HELLS: variants seen among roughly 807,000 people sequenced by gnomAD.
HELLS encodes helicase, lymphoid specific, also known as lymphoid-specific helicase.
In HELLS, 32 loss-of-function variants were observed where a neutral mutation model predicts 120.0. The observed-to-expected ratio is 0.27, with a 90% confidence interval of 0.20 to 0.36. The LOEUF (loss-of-function observed/expected upper bound fraction) is 0.36, where lower values mean the gene tolerates loss of function less well. HELLS is among the 10% of genes least tolerant of loss of function. The pLI is 1.00. For missense variants in HELLS, 650 were observed against 993.4 expected, an observed-to-expected ratio of 0.65 and a Z score of 4.65; for synonymous variants, 341 against 323.4, an observed-to-expected ratio of 1.05 and a Z score of -0.58.
In HELLS at chr10:94,590,568, TG is replaced by T. The variant is rs1451004117; in HGVS notation, c.1628+17del. The T allele has an allele frequency of 3.1e-6, 5 of 1,610,692 alleles. No homozygotes were observed. The African/African-American group carries it at 6.7e-5, about 22-fold the overall frequency. ...ACCGAGAAAGGTTTGAATTCAAAAG[TG>T]AATTTAAGTATTCTTTAAACTGTGA... is the stretch of plus-strand genomic sequence containing the variant. On this transcript the variant is annotated intron_variant, in intron 14 of 21. Transcript: ENST00000348459.
chr10:94,596,114 C>T (rs555009896), intron 19 of HELLS, among the ~76,000 whole-genome samples: 2 of 152,102 alleles, frequency 1.3e-5, no homozygotes, highest in Non-Finnish European at 2.9e-5. Context: ...AGCCACTGTG[C>T]TCAGCCCTAT....
At chr10:94,605,074 C>CG (rs1256432916), downstream of HELLS, among the ~76,000 whole-genome samples, 1 of 30,446 alleles carries the variant, frequency 3.3e-5, no homozygotes, top group Non-Finnish European at 8.2e-5. Flanking sequence ...CTTGTGTCTC[C>CG]CCCCCCCCCC....
intron 11 of HELLS, among the ~76,000 whole-genome samples, chr10:94,581,957 C>G (rs1435061097): frequency 6.6e-6 from 1 of 152,094 alleles, no homozygotes; most frequent in African/African-American, 2.4e-5. Flanking sequence ...ACCAAGGTCT[C>G]CCAATGTAAA....
At chr10:94,546,036 G>C in intron 1 of HELLS, 84 bp downstream of exon 1, 3 of 1,468,732 alleles carry the variant, frequency 2.0e-6, no homozygotes, top group Admixed American at 2.0e-5. Flanking sequence ...GGAGTTTCGG[G>C]GAGGGAGCCG....
chr10:94,586,222 G>C lies in HELLS; in HGVS notation c.1327-2007G>C, dbSNP rs1260918044. 3.9e-5 allele frequency among the ~76,000 whole-genome samples: 6 copies of C among 152,056 alleles called. 1 individual carries two copies. The South Asian group carries it at 1.2e-3, about 32-fold the overall frequency. On this transcript the variant is annotated intron_variant, in intron 12 of 21. Coordinates refer to ENST00000348459, the MANE Select transcript of HELLS (RefSeq NM_018063.5). Reference sequence around the variant, plus strand: ...TGCAAGCTGCACCTCCCGGGTTCACGCTATTCTCCTGCCTCAGCCTCCCGA... The same window carrying C: ...TGCAAGCTGCACCTCCCGGGTTCACCCTATTCTCCTGCCTCAGCCTCCCGA...
At chr10:94,588,193 A>T in intron 12 of HELLS, 36 bp from the exon 13 acceptor site, 1 of 1,294,530 alleles carries the variant, frequency 7.7e-7, no homozygotes, top group Non-Finnish European at 1.1e-6. Flanking sequence ...AAGAATGTTT[A>T]ATACTCATAT....
At position 94,545,803 on chromosome 10, in the gene HELLS, T is replaced by C. The variant is rs927931792; in HGVS notation, c.-119T>C. 2 of 1,209,040 alleles carry C rather than the reference T, an allele frequency of 1.7e-6. No homozygotes were observed. Among genetic ancestry groups the C allele is most frequent in the Non-Finnish European group, 2.4e-6 (2 of 834,588 alleles). 74.9% of individuals were successfully genotyped at this position (1,209,040 alleles called of 1,614,324 possible). A position where few individuals can be genotyped will look rare whatever the true frequency, so the allele number is the denominator to read the frequency against. On this transcript the variant is annotated 5_prime_UTR_variant, in exon 1 of 22. Transcript: ENST00000348459. ...ATTTTCCCGCGAAGGAGAAGCGCGC[T>C]TTTTTCCCTGGCGGGGGATTTGGCT...
rs1041580881 is a variant in HELLS at position 94,576,671 on chromosome 10, A to G, written c.898A>G (p.Met300Val). Residue 300 changes from methionine to valine, a missense_variant, in exon 10 of 22, where the codon ATG becomes GTG. Met to Val is a conservative substitution (Grantham distance 21). Around this residue, in one of 9 missense-constraint regions of HELLS, gnomAD observed 61 missense variants for 86.5 expected, o/e 0.71. Coordinates refer to ENST00000348459, the MANE Select transcript of HELLS (RefSeq NM_018063.5). Reference protein sequence around the residue: ...FKRFTPDIPTMLYHGTQEERQ... With the variant: ...FKRFTPDIPTVLYHGTQEERQ... ...ATATAAAATTTTTCAGATCCCTACAATGTTATATCATGGAACCCAGGAGGA... is the reference window on the plus strand; with the variant it reads ...ATATAAAATTTTTCAGATCCCTACAGTGTTATATCATGGAACCCAGGAGGA... The G allele has an allele frequency of 1.3e-6, 2 of 1,595,582 alleles. No homozygotes were observed. The highest frequency in any genetic ancestry group is 1.1e-5 in the South Asian group (1 of 89,632).
rs960501899 is a variant in HELLS, at chr10:94,594,592, T to C, written c.2089-103T>C. 3.7e-6 allele frequency: 3 copies of C among 800,970 alleles called. No homozygotes were observed. In the Admixed American group the frequency reaches 8.6e-5, roughly 23 times the overall value. 49.6% of individuals were successfully genotyped at this position (800,970 alleles called of 1,614,324 possible). On this transcript the variant is annotated intron_variant, in intron 18 of 21. Coordinates refer to ENST00000348459, the MANE Select transcript of HELLS (RefSeq NM_018063.5). Reference sequence around the variant, plus strand: ...GAAGTTTAAATTAAGACACCACTATTTAAAAGTTCCTGGCTAGATCATTCA... The same window carrying C: ...GAAGTTTAAATTAAGACACCACTATCTAAAAGTTCCTGGCTAGATCATTCA...
intron 10 of HELLS, chr10:94,577,303 A>T (rs1271431335): frequency 3.6e-6 from 1 of 276,744 alleles, no homozygotes; most frequent in Admixed American, 5.2e-5. Context: ...TTCTGTTTTC[A>T]TTTATTGGTG....
At position 94,585,371 on chromosome 10, in the gene HELLS, T is replaced by G. The variant is rs187209784; in HGVS notation, c.1326+2312T>G. Among the ~76,000 whole-genome samples, 500 of 129,654 alleles carry G rather than the reference T, an allele frequency of 3.9e-3. 4 individuals carry two copies. The highest frequency in any genetic ancestry group is 0.028 in the Middle Eastern group (7 of 250). 85.1% of individuals were successfully genotyped at this position (129,654 alleles called of 152,430 possible). A position where few individuals can be genotyped will look rare whatever the true frequency, so the allele number is the denominator to read the frequency against. On this transcript the variant is annotated intron_variant, in intron 12 of 21. Transcript: ENST00000348459. ...ATAGTTTTTTTGTTTTGTTTTTTTT[T>G]TTTGTTTGTTTTTGTTTTTTTTTTT...
intron 3 of HELLS, among the ~76,000 whole-genome samples, chr10:94,557,465 T>C (rs1194856896): frequency 6.6e-6 from 1 of 152,214 alleles, no homozygotes; most frequent in Non-Finnish European, 1.5e-5. Flanking sequence ...ATGTCTAGAA[T>C]AGCTTTTAGT....
intron 6 of HELLS, among the ~76,000 whole-genome samples, chr10:94,566,408 G>C (rs1360662194): frequency 6.6e-6 from 1 of 152,174 alleles, no homozygotes; most frequent in Non-Finnish European, 1.5e-5. Flanking sequence ...CCAGGGTCAA[G>C]AGAGACTGGC....
At chr10:94,577,537 G>A (rs1187708252) in intron 10 of HELLS, 1 of 153,164 alleles carries the variant, frequency 6.5e-6, no homozygotes, top group African/African-American at 2.4e-5. Context: ...GTATTGTCAG[G>A]TTTTATGTGT....
chr10:94,602,756 CT>C (rs1441131943), downstream of HELLS, among the ~76,000 whole-genome samples: 4 of 151,914 alleles, frequency 2.6e-5, no homozygotes, highest in Admixed American at 6.6e-5. Context: ...TGGATAAGTT[CT>C]TTGGTGGTGA....
At chr10:94,589,343 A>G (rs1845340096) in intron 13 of HELLS, among the ~76,000 whole-genome samples, 1 of 152,184 alleles carries the variant, frequency 6.6e-6, no homozygotes, top group Admixed American at 6.5e-5. Flanking sequence ...TTGCTCCAAA[A>G]TTTGAAACTT....
At chr10:94,599,932 T>G (rs944216802) in intron 21 of HELLS, among the ~76,000 whole-genome samples, 1 of 152,204 alleles carries the variant, frequency 6.6e-6, no homozygotes, top group African/African-American at 2.4e-5. Context: ...GAATGGTTAC[T>G]ACAAAGTGTA....
intron 13 of HELLS, among the ~76,000 whole-genome samples, chr10:94,589,910 A>G (rs1410933360): frequency 1.3e-5 from 2 of 151,806 alleles, no homozygotes; most frequent in Non-Finnish European, 2.9e-5. Flanking sequence ...GATGGTCTCG[A>G]TCTTCTGACC....
rs1386732334 is a variant in HELLS at position 94,601,875 on chromosome 10, T to C, written c.*253T>C. ...TCTTGGATACAGGCTGATGTGTACT[T>C]AACCACTTCCAGATTTATACAGTCT... is the stretch of plus-strand genomic sequence containing the variant. On this transcript the variant is annotated 3_prime_UTR_variant, in exon 22 of 22. Coordinates refer to ENST00000348459, the MANE Select transcript of HELLS (RefSeq NM_018063.5). 3 of 247,776 alleles carry C rather than the reference T, an allele frequency of 1.2e-5. No homozygotes were observed. Among genetic ancestry groups the C allele is most frequent in the Admixed American group, 5.4e-5 (1 of 18,576 alleles). The allele number at this position is 247,776 out of a possible 1,614,324, so 15.3% of individuals were successfully genotyped here.
Sources: gnomAD v4.1 joint callset for allele counts (sites outside exome capture counted in the v4.1 genomes callset) on GRCh38, gnomAD v4.1.1 for gene constraint, gnomAD v4.1.1 regional missense constraint, MANE v1.5 for transcripts, NCBI Gene and HGNC (gene_info 2026-07-23, HGNC 2026-07-21) for gene names.